Variants in NAV3 observed in about 807,000 individuals in gnomAD.
NAV3 encodes the protein pore membrane and/or filament interacting like protein 1.
NAV3 carries 87 observed loss-of-function variants against 244.7 expected under a neutral mutation model. The observed-to-expected ratio is 0.36, with a 90% CI of 0.30 to 0.42. NAV3 has a LOEUF of 0.42. Among genes scored for constraint, NAV3 ranks in the 20% least tolerant of loss-of-function variants. The probability of loss-of-function intolerance (pLI) is 1.00; values close to 1 mark genes in which losing one functional copy is unlikely to be tolerated. For missense variants in NAV3, 2,663 were observed against 2,893.3 expected, an observed-to-expected ratio of 0.92 and a Z score of 1.83; for synonymous variants, 1,126 against 1,042.2, an observed-to-expected ratio of 1.08 and a Z score of -1.55.
chr12:77,939,166 T>G (rs1016778366), intron 1 of NAV3, among the ~76,000 whole-genome samples: 1 of 152,186 alleles, frequency 6.6e-6, no homozygotes, highest in African/African-American at 2.4e-5. Context: ...TGCTTGGCAT[T>G]TAGTGTTCAT....
rs186917900 is a variant in NAV3, at chr12:77,782,112, A to G, written c.73-158207A>G. Among the ~76,000 whole-genome samples, 7 of 152,312 alleles carry G rather than the reference A, an allele frequency of 4.6e-5. No homozygotes were observed. The East Asian group carries it at 1.4e-3, about 29-fold the overall frequency. On this transcript the variant is annotated intron_variant, in intron 2 of 8. Coordinates refer to the NAV3 transcript ENST00000550042. ...GTAATAATTTTCTTAGATTCCTAAA[A>G]GTCTCCTAACAAGAGTCACATCTGG...
chr12:77,737,308 A>G (rs1237143984), intron 2 of NAV3, among the ~76,000 whole-genome samples: 1 of 150,506 alleles, frequency 6.6e-6, no homozygotes, highest in Non-Finnish European at 1.5e-5. Context: ...AAATGCATAG[A>G]ACAGTGTTTC....
rs1873666606 is a variant in NAV3, at chr12:78,003,401, T to C, written c.881-3018T>C. ...TATCCTATATTCAGCAGGGACCATC[T>C]ATATCAATGAGCACAATGCCTGCCA... On this transcript the variant is annotated intron_variant, in intron 7 of 39. Coordinates refer to ENST00000397909, the MANE Select transcript of NAV3 (RefSeq NM_001024383.2). Among the ~76,000 whole-genome samples the C allele has an allele frequency of 2.6e-5, 4 of 152,204 alleles. No homozygotes were observed. The South Asian group carries it at 8.3e-4, about 31-fold the overall frequency.
At chr12:78,012,694 C>G (rs1198503304) in intron 8 of NAV3, among the ~76,000 whole-genome samples, 1 of 152,102 alleles carries the variant, frequency 6.6e-6, no homozygotes, top group African/African-American at 2.4e-5. Flanking sequence ...CTGCTAATCT[C>G]CAGCCATCTC....
intron 1 of NAV3, among the ~76,000 whole-genome samples, chr12:77,927,074 T>C (rs927252427): frequency 6.6e-6 from 1 of 152,260 alleles, no homozygotes; most frequent in African/African-American, 2.4e-5. Flanking sequence ...ATCAGACTGA[T>C]ACAAGAAGAA....
At chr12:77,895,374 G>T (rs1234729170) in intron 1 of NAV3, among the ~76,000 whole-genome samples, 4 of 151,464 alleles carry the variant, frequency 2.6e-5, no homozygotes, top group Non-Finnish European at 5.9e-5. Context: ...GAGAATAGCA[G>T]ATTGTGGGTG....
intron 2 of NAV3, among the ~76,000 whole-genome samples, chr12:77,645,524 G>A (rs1565750928): frequency 8.7e-6 from 1 of 115,548 alleles, no homozygotes; most frequent in African/African-American, 3.7e-5. Context: ...TTCATGGAGA[G>A]CTCTCTCTCT....
intron 3 of NAV3, chr12:77,947,410 A>ATTTTTTT (rs59956222): frequency 7.0e-6 from 1 of 143,528 alleles, no homozygotes; most frequent in African/African-American, 2.5e-5. Context: ...CTTTTAAAGG[A>ATTTTTTT]TTTTTTTTTT....
In NAV3 at chr12:78,007,331, C is replaced by T. The variant is rs2136597740; in HGVS notation, c.1793C>T (p.Thr598Ile). 1 of 1,614,172 alleles carries T rather than the reference C, an allele frequency of 6.2e-7. No individual in the cohort carries two copies. Among genetic ancestry groups the T allele is most frequent in the Non-Finnish European group, 8.5e-7 (1 of 1,180,032 alleles). ...AGQASPSGSC[T>I]MTVAQSSGQS... is the part of the protein sequence containing the mutation. ...CAAGCTTCTCCTTCTGGTTCCTGTACCATGACAGTGGCACAAAGCAGTGGG... is the reference window on the plus strand; with the variant it reads ...CAAGCTTCTCCTTCTGGTTCCTGTATCATGACAGTGGCACAAAGCAGTGGG... Residue 598 changes from threonine (T) to isoleucine (I), a missense_variant, in exon 8 of 40, where the codon ACC becomes ATC. Coordinates refer to ENST00000397909, the MANE Select transcript of NAV3 (RefSeq NM_001024383.2).
chr12:77,617,198 A>T (rs531024686), intron 2 of NAV3, among the ~76,000 whole-genome samples: 1 of 152,242 alleles, frequency 6.6e-6, no homozygotes, highest in Non-Finnish European at 1.5e-5. Flanking sequence ...TTGAAATGTG[A>T]ATTTTGATAT....
rs151234928 is a variant in NAV3, at chr12:77,772,152, G to T, written c.73-168167G>T. On this transcript the variant is annotated intron_variant, in intron 2 of 8. Transcript: ENST00000550042. Reference sequence around the variant, plus strand: ...GATGAGGGTACTGGGGCTTAGAAGGGTTGTGTAGCTTGGTCCAGGTAACAG... The same window carrying T: ...GATGAGGGTACTGGGGCTTAGAAGGTTTGTGTAGCTTGGTCCAGGTAACAG... Among the ~76,000 whole-genome samples the T allele has an allele frequency of 5.9e-4, 90 of 152,208 alleles. 1 individual carries two copies. Among genetic ancestry groups the T allele is most frequent in the African/African-American group, 2.2e-3 (90 of 41,522 alleles).
intron 3 of NAV3, 41 bp downstream of exon 3, chr12:77,941,174 C>A: frequency 8.5e-7 from 1 of 1,176,386 alleles, no homozygotes; most frequent in Non-Finnish European, 1.2e-6. Context: ...TGCTGATCTT[C>A]ACTTCCAGAA....
intron 2 of NAV3, among the ~76,000 whole-genome samples, chr12:77,667,969 C>G (rs376006475): frequency 6.6e-6 from 1 of 152,196 alleles, no homozygotes; most frequent in East Asian, 1.9e-4. Context: ...GATCACATCA[C>G]AGCGTTCTTT....
intron 12 of NAV3, among the ~76,000 whole-genome samples, chr12:78,064,636 G>C (rs1302722555): frequency 6.6e-6 from 1 of 152,022 alleles, no homozygotes; most frequent in African/African-American, 2.4e-5. Context: ...ATAAATTAGG[G>C]GGTGGAGACA....
intron 1 of NAV3, among the ~76,000 whole-genome samples, chr12:77,873,769 T>C (rs1209949135): frequency 2.5e-5 from 2 of 79,806 alleles, no homozygotes; most frequent in Non-Finnish European, 6.0e-5. Context: ...TATATATATG[T>C]ATATAACAGC....
chr12:77,734,163 T>C (rs886118653), intron 2 of NAV3, among the ~76,000 whole-genome samples: 94 of 152,194 alleles, frequency 6.2e-4, no homozygotes, highest in Non-Finnish European at 1.1e-3. Context: ...TCACTTATGC[T>C]ATGAGGATAA....
chr12:78,146,369 G>A lies in NAV3; in HGVS notation c.4684G>A (p.Ala1562Thr). Reference protein sequence around the residue: ...VSSTSSLYSTAEEKAHSEQIH... With the variant: ...VSSTSSLYSTTEEKAHSEQIH... ...AGTCTTTCTTTTTATTGTTTTACAGGCTGAAGAAAAGGCTCATTCAGAGGT... is the reference window on the plus strand; with the variant it reads ...AGTCTTTCTTTTTATTGTTTTACAGACTGAAGAAAAGGCTCATTCAGAGGT... Residue 1562 changes from alanine to threonine, a missense_variant and splice_region_variant, in exon 21 of 40, where the codon GCT (alanine) becomes ACT (threonine). Ala to Thr is a moderately conservative substitution (Grantham distance 58). This residue lies in a region of NAV3 where 354 missense variants were observed against 413.0 expected (regional missense o/e 0.86). Transcript: ENST00000397909. 1 of 1,096,244 alleles carries A rather than the reference G, an allele frequency of 9.1e-7. No individual in the cohort carries two copies. The highest frequency in any genetic ancestry group is 1.3e-6 in the Non-Finnish European group (1 of 789,564). The allele number at this position is 1,096,244 out of a possible 1,614,324, so 67.9% of individuals were successfully genotyped here.
chr12:77,686,689 C>T lies in NAV3; in HGVS notation c.72+114423C>T, dbSNP rs1032343992. Among the ~76,000 whole-genome samples, 8 of 151,954 alleles carry T rather than the reference C, an allele frequency of 5.3e-5. 1 individual carries two copies. The East Asian group carries it at 9.7e-4, about 18-fold the overall frequency. ...GATGAGGGAACTGAGCACAAATGGC[C>T]GAAGTAACTTATTCAGATCATAAGC... On this transcript the variant is annotated intron_variant, in intron 2 of 8. Transcript: ENST00000550042.
intron 2 of NAV3, among the ~76,000 whole-genome samples, chr12:77,778,800 TC>T (rs1870520809): frequency 1.3e-5 from 2 of 152,086 alleles, no homozygotes; most frequent in Admixed American, 6.5e-5. Context: ...CATCAAGTAT[TC>T]TCTTTGGTAA....
Sources: allele counts gnomAD v4.1 joint callset (sites outside exome capture counted in the v4.1 genomes callset), GRCh38; gene constraint gnomAD v4.1.1; regional missense constraint gnomAD v4.1.1; transcripts MANE v1.5; gene names NCBI Gene and HGNC (gene_info 2026-07-23, HGNC 2026-07-21).